The following CDK13 variants were observed in gnomAD, a reference collection of about 807,000 sequenced individuals.
The protein encoded by CDK13 is cyclin-dependent kinase 13.
In CDK13, 40 loss-of-function variants were observed where a neutral mutation model predicts 137.6. That is an observed-to-expected ratio of 0.29 (90% CI 0.23 to 0.38). The LOEUF is 0.38. CDK13 is among the 10% of genes least tolerant of loss of function. The pLI, the probability that CDK13 is intolerant of heterozygous loss-of-function variation, is 1.00. For synonymous variants in CDK13, 869 were observed against 760.1 expected (o/e 1.14, Z -2.36); for missense variants, 1,704 against 1,951.8 (o/e 0.87, Z 2.39).
At position 39,952,820 on chromosome 7, in the gene CDK13, C is replaced by T. The variant is rs554637919; in HGVS notation, c.1211+968C>T. 2.0e-4 allele frequency: 23 copies of T among 116,364 alleles called. No homozygotes were observed. In the East Asian group the frequency reaches 7.4e-3, roughly 37 times the overall value. The allele number at this position is 116,364 out of a possible 1,614,324, so 7.2% of individuals were successfully genotyped here. A position where few individuals can be genotyped will look rare whatever the true frequency, so the allele number is the denominator to read the frequency against. On this transcript the variant is annotated intron_variant, in intron 1 of 13. Coordinates refer to ENST00000181839, the MANE Select transcript of CDK13 (RefSeq NM_003718.5). ...AAATTGGAGTAAAACTTTTCTGTAGCTTTCTTGCCTTTTTTGTTATATAAT... is the reference window on the plus strand; with the variant it reads ...AAATTGGAGTAAAACTTTTCTGTAGTTTTCTTGCCTTTTTTGTTATATAAT...
chr7:39,987,727 G>T lies in CDK13; in HGVS notation c.1340G>T (p.Ser447Ile), dbSNP rs1784368740. The change falls in exon 2 of 14, where the codon AGT (serine) becomes ATT (isoleucine). Residue 447 changes from serine (S) to isoleucine (I), a missense_variant. By Grantham distance (142) the Ser-to-Ile change is moderately radical. Around this residue, in one of 5 missense-constraint regions of CDK13, gnomAD observed 1,051 missense variants for 931.0 expected, o/e 1.13. Coordinates refer to ENST00000181839, the MANE Select transcript of CDK13 (RefSeq NM_003718.5). ...TCTCCTAGCACACTAACTCTGAAGA[G>T]TAGCCTGGCAGCTGAATTGAACAAG... ...SISPSTLTLK[S>I]SLAAELNKNK... 5 of 1,614,160 alleles carry T rather than the reference G, an allele frequency of 3.1e-6. No homozygotes were observed. The highest frequency in any genetic ancestry group is 4.2e-6 in the Non-Finnish European group (5 of 1,180,038).
intron 11 of CDK13, among the ~76,000 whole-genome samples, chr7:40,081,176 A>G (rs1786655317): frequency 1.3e-5 from 2 of 152,068 alleles, no homozygotes; most frequent in African/African-American, 4.8e-5. Context: ...CCTTCTTTTT[A>G]TCAGAATTAG....
At chr7:39,991,386 A>G (rs969643970) in intron 2 of CDK13, among the ~76,000 whole-genome samples, 1 of 152,084 alleles carries the variant, frequency 6.6e-6, no homozygotes, top group African/African-American at 2.4e-5. Context: ...TCATTGCTGT[A>G]TCTTAAGGAA....
chr7:39,997,714 G>T (rs1784594185), intron 3 of CDK13, 50 bp downstream of exon 3: 1 of 1,410,728 alleles, frequency 7.1e-7, no homozygotes, highest in African/African-American at 1.4e-5. Context: ...AGTGATTCTG[G>T]GTCATCAGAA....
In CDK13 at chr7:40,092,826, G is replaced by A. The variant is rs1033545907; in HGVS notation, c.3277G>A (p.Ala1093Thr). The part of the protein sequence containing the change: ...PGQHLNHSEL[A>T]ILLNLLQSKT... ...ACAGCACTTAAACCACAGTGAATTGGCAATTCTACTAAACCTACTACAATC... is the reference window on the plus strand; with the variant it reads ...ACAGCACTTAAACCACAGTGAATTGACAATTCTACTAAACCTACTACAATC... Residue 1093 changes from alanine (A) to threonine (T), a missense_variant, in exon 13 of 14, where the codon GCA (alanine) becomes ACA (threonine). By Grantham distance (58) the Ala-to-Thr change is moderately conservative. This residue lies in a region of CDK13 where 475 missense variants were observed against 579.3 expected (regional missense o/e 0.82). Coordinates refer to ENST00000181839, the MANE Select transcript of CDK13 (RefSeq NM_003718.5). The A allele has an allele frequency of 6.2e-7, 1 of 1,614,122 alleles. No homozygotes were observed. The highest frequency in any genetic ancestry group is 1.3e-5 in the African/African-American group (1 of 75,014).
At chr7:40,027,655 CTTTTT>C (rs761581418) in intron 5 of CDK13, among the ~76,000 whole-genome samples, 148 of 89,722 alleles carry the variant, frequency 1.6e-3, no homozygotes, top group Non-Finnish European at 2.4e-3. Context: ...CACCCTTGGG[CTTTTT>C]TTTTTTTTTT....
chr7:39,974,229 T>A (rs1045793109), intron 1 of CDK13, among the ~76,000 whole-genome samples: 1 of 152,136 alleles, frequency 6.6e-6, no homozygotes, highest in African/African-American at 2.4e-5. Context: ...ATTATCTTGT[T>A]AATTTTTTTT....
intron 7 of CDK13, among the ~76,000 whole-genome samples, chr7:40,054,056 C>A (rs1448823116): frequency 1.3e-5 from 2 of 152,114 alleles, no homozygotes; most frequent in Admixed American, 6.6e-5. Flanking sequence ...GCCTTGATTA[C>A]CTAGAAGTAT....
chr7:40,004,010 A>G (rs564828728), intron 5 of CDK13, among the ~76,000 whole-genome samples: 1 of 152,334 alleles, frequency 6.6e-6, no homozygotes, highest in South Asian at 2.1e-4. Context: ...TTCTGTACAG[A>G]TAGCTGGGAA....
At chr7:39,952,097 GGAAGAATTAAAAGT>G in intron 1 of CDK13, 1 of 386,984 alleles carries the variant, frequency 2.6e-6, no homozygotes, top group Non-Finnish European at 4.5e-6. Context: ...AGATTTCTAA[GGAAGAATTAAAAGT>G]TTCAGACTTG....
intron 5 of CDK13, among the ~76,000 whole-genome samples, chr7:40,009,728 C>T (rs546842144): frequency 6.6e-6 from 1 of 152,166 alleles, no homozygotes; most frequent in Non-Finnish European, 1.5e-5. Flanking sequence ...CCAATTTATA[C>T]TCCCAAATCC....
Position 40,094,150 on chromosome 7 carries a change from C to T in CDK13, c.3709C>T (p.His1237Tyr). 1 of 1,613,872 alleles carries T rather than the reference C, an allele frequency of 6.2e-7. No homozygotes were observed. ...CTTAGGACAAGATGACCTCATCCAG[C>T]ATCAAGATATGAGGATCTTGGAGCT... Reference protein sequence around the residue: ...PVSGQDDLIQHQDMRILELTP... With the variant: ...PVSGQDDLIQYQDMRILELTP... The change falls in exon 14 of 14, where the codon CAT becomes TAT. Residue 1237 changes from histidine to tyrosine, a missense_variant. Physicochemically the swap from His to Tyr is moderately conservative, Grantham distance 83. Transcript: ENST00000181839.
intron 1 of CDK13, among the ~76,000 whole-genome samples, chr7:39,982,629 C>G (rs1784253220): frequency 6.6e-6 from 1 of 152,192 alleles, no homozygotes; most frequent in Non-Finnish European, 1.5e-5. Flanking sequence ...TACAGTCACA[C>G]CAACAGTGTA....
At chr7:40,036,857 C>G (rs1245989053) in intron 5 of CDK13, among the ~76,000 whole-genome samples, 1 of 152,004 alleles carries the variant, frequency 6.6e-6, no homozygotes, top group Non-Finnish European at 1.5e-5. Context: ...CAAAATCAGC[C>G]ATAATTTTAT....
intron 1 of CDK13, among the ~76,000 whole-genome samples, chr7:39,965,249 G>A (rs1012717810): frequency 5.9e-5 from 9 of 152,132 alleles, no homozygotes; most frequent in Non-Finnish European, 1.3e-4. Flanking sequence ...TTATTTTTGT[G>A]TGGGAGTCTC....
intron 9 of CDK13, chr7:40,070,066 C>CAAAAAAAAAAAAAAA: frequency 2.2e-5 from 1 of 44,770 alleles, no homozygotes; most frequent in Non-Finnish European, 3.8e-5. Context: ...ACCAAAACTA[C>CAAAAAAAAAAAAAAA]AAAAAAAAAA....
chr7:40,056,635 C>A (rs1181454765), intron 7 of CDK13, among the ~76,000 whole-genome samples: 2 of 152,200 alleles, frequency 1.3e-5, no homozygotes, highest in Non-Finnish European at 2.9e-5. Flanking sequence ...GTGGTTTGGC[C>A]TTATACGTCT....
chr7:39,951,636 C>T lies in CDK13; in HGVS notation c.995C>T (p.Ser332Phe), dbSNP rs777406210. Residue 332 changes from serine to phenylalanine, a missense_variant, in exon 1 of 14, where the codon TCT becomes TTT. Ser to Phe is a radical substitution (Grantham distance 155, BLOSUM62 -2). This residue lies in a region of CDK13 where 1,051 missense variants were observed against 931.0 expected (regional missense o/e 1.13). Coordinates refer to ENST00000181839, the MANE Select transcript of CDK13 (RefSeq NM_003718.5). ...RDDSPVSHRA[S>F]QSLRSRKSPS... is the part of the protein sequence containing the mutation. Reference sequence around the variant, plus strand: ...GACAGCCCGGTGTCCCACAGGGCCTCTCAGAGCCTGAGGAGCCGCAAGTCC... The same window carrying T: ...GACAGCCCGGTGTCCCACAGGGCCTTTCAGAGCCTGAGGAGCCGCAAGTCC... The T allele has an allele frequency of 1.8e-5, 26 of 1,481,544 alleles. No homozygotes were observed. The highest frequency in any genetic ancestry group is 1.5e-4 in the South Asian group (11 of 73,994). 91.8% of individuals were successfully genotyped at this position (1,481,544 alleles called of 1,614,324 possible).
At chr7:40,064,991 T>G (rs373364554) in intron 9 of CDK13, among the ~76,000 whole-genome samples, 7 of 67,276 alleles carry the variant, frequency 1.0e-4, no homozygotes, top group African/African-American at 3.1e-4. Flanking sequence ...TTTTTTTTTT[T>G]GGAGACCGGC....
Sources: gnomAD v4.1 joint callset for allele counts (sites outside exome capture counted in the v4.1 genomes callset) on GRCh38, gnomAD v4.1.1 for gene constraint, gnomAD v4.1.1 regional missense constraint, MANE v1.5 for transcripts, NCBI Gene and HGNC (gene_info 2026-07-23, HGNC 2026-07-21) for gene names.